ANKS1B: variants seen among roughly 807,000 people sequenced by gnomAD.
ANKS1B encodes ankyrin repeat and sterile alpha motif domain containing 1B.
A neutral mutation model predicts 148.3 loss-of-function variants in ANKS1B; 36 were observed. The ratio of observed to expected loss-of-function variants is 0.24; its 90% CI spans 0.19 to 0.32. The LOEUF is 0.32. Ranked by LOEUF, ANKS1B falls within the 10% of genes least tolerant of loss-of-function variation. The pLI is 1.00. For synonymous variants in ANKS1B, 542 were observed against 560.8 expected (o/e 0.97, Z 0.47); for missense variants, 1,157 against 1,542.6 (o/e 0.75, Z 4.19).
chr12:99,972,323 T>C (rs988637846), intron 1 of ANKS1B, among the ~76,000 whole-genome samples: 7 of 152,226 alleles, frequency 4.6e-5, no homozygotes, highest in African/African-American at 1.7e-4. Flanking sequence ...AGGCCTCTTA[T>C]GCCTAACAGT....
Position 99,504,535 on chromosome 12 carries a change from G to C in ANKS1B, c.1379C>G (p.Thr460Arg), listed in dbSNP as rs903298905. 1 of 1,612,884 alleles carries C rather than the reference G, an allele frequency of 6.2e-7. No homozygotes were observed. Among genetic ancestry groups the C allele is most frequent in the Non-Finnish European group, 8.5e-7 (1 of 1,179,484 alleles). The change falls in exon 10 of 27, where the codon ACA becomes AGA. Residue 460 changes from threonine (T) to arginine (R), a missense_variant. Physicochemically the swap from Thr to Arg is moderately conservative, Grantham distance 71. Transcript: ENST00000683438. The stretch of plus-strand genomic sequence containing the variant: ...GGAGCAAGGTTTCTTTGTAACAGCT[G>C]TGTCCATGAGATCACACAGAAAGTT... ...NENFLCDLMD[T>R]AVTKKPCSLE... is the part of the protein sequence containing the mutation.
chr12:99,780,596 T>C (rs1194853227), intron 5 of ANKS1B, among the ~76,000 whole-genome samples: 2 of 152,156 alleles, frequency 1.3e-5, no homozygotes, highest in Non-Finnish European at 2.9e-5. Flanking sequence ...CTATGGTATC[T>C]TTGGGTTATA....
chr12:99,246,416 G>A lies in ANKS1B; in HGVS notation c.2205C>T (p.Val735=). ...ALIDMHLSKS[V]SKSDSDLIAY... ...CAATGAGATCAGAATCAGATTTAGA[G>A]ACACTTTTTGACAAATGCATGTCGA... Residue 735 remains valine, a synonymous_variant, in exon 13 of 27, where the codon GTC becomes GTT. Coordinates refer to ENST00000683438, the MANE Select transcript of ANKS1B (RefSeq NM_001352186.2). 6.2e-7 allele frequency: 1 copy of A among 1,613,870 alleles called. No homozygotes were observed. The highest frequency in any genetic ancestry group is 1.1e-5 in the South Asian group (1 of 91,074).
intron 12 of ANKS1B, among the ~76,000 whole-genome samples, chr12:99,263,027 A>G (rs749392345): frequency 1.3e-5 from 2 of 152,046 alleles, no homozygotes; most frequent in Non-Finnish European, 2.9e-5. Flanking sequence ...CTTCAGATGC[A>G]TTATCTGATT....
chr12:99,385,955 A>C (rs1395956841), intron 12 of ANKS1B, among the ~76,000 whole-genome samples: 2 of 152,254 alleles, frequency 1.3e-5, no homozygotes, highest in African/African-American at 4.8e-5. Context: ...AGGTTTGTTT[A>C]GTTAATAGTG....
intron 8 of ANKS1B, among the ~76,000 whole-genome samples, chr12:99,707,412 G>C (rs1465658469): frequency 6.6e-5 from 10 of 152,046 alleles, no homozygotes; most frequent in Admixed American, 6.6e-4. Flanking sequence ...AAGAGGTAAA[G>C]TAATATTCAC....
At chr12:99,237,132 A>C (rs1465279429) in intron 14 of ANKS1B, among the ~76,000 whole-genome samples, 1 of 152,200 alleles carries the variant, frequency 6.6e-6, no homozygotes, top group Non-Finnish European at 1.5e-5. Flanking sequence ...AAGGATGGTA[A>C]GATTTGGGGC....
intron 8 of ANKS1B, among the ~76,000 whole-genome samples, chr12:99,705,557 G>A (rs2055611328): frequency 6.6e-6 from 1 of 152,110 alleles, no homozygotes; most frequent in Non-Finnish European, 1.5e-5. Context: ...AATTTCTCTA[G>A]GGAATTTATT....
At chr12:99,058,391 GCAC>G (rs1565806784) in intron 16 of ANKS1B, among the ~76,000 whole-genome samples, 1 of 151,748 alleles carries the variant, frequency 6.6e-6, no homozygotes, top group Non-Finnish European at 1.5e-5. Context: ...CCACAGGTGT[GCAC>G]CACTACACCC....
chr12:99,731,890 G>A (rs915821110), intron 8 of ANKS1B, among the ~76,000 whole-genome samples: 5 of 152,112 alleles, frequency 3.3e-5, no homozygotes, highest in East Asian at 1.9e-4. Flanking sequence ...CAAAGACTAC[G>A]AGAATAACTT....
intron 12 of ANKS1B, among the ~76,000 whole-genome samples, chr12:99,312,815 A>G (rs540276664): frequency 6.6e-6 from 1 of 152,258 alleles, no homozygotes; most frequent in East Asian, 1.9e-4. Context: ...CCACATTAGA[A>G]AGCTAGAAAG....
At chr12:99,822,184 C>A (rs559393724) in intron 2 of ANKS1B, among the ~76,000 whole-genome samples, 1 of 152,110 alleles carries the variant, frequency 6.6e-6, no homozygotes, top group East Asian at 1.9e-4. Context: ...AGCTTTATGA[C>A]CACCAAACCT....
At chr12:99,634,958 T>C (rs1293434786) in intron 9 of ANKS1B, among the ~76,000 whole-genome samples, 1 of 152,142 alleles carries the variant, frequency 6.6e-6, no homozygotes, top group Non-Finnish European at 1.5e-5. Context: ...AAGACTTGAA[T>C]AGACACTTTT....
intron 15 of ANKS1B, among the ~76,000 whole-genome samples, chr12:99,108,577 AATAG>A (rs1261394199): frequency 6.6e-5 from 10 of 152,324 alleles, no homozygotes; most frequent in African/African-American, 2.2e-4. Context: ...ACCAATTATA[AATAG>A]ATAAAGAAGG....
intron 9 of ANKS1B, among the ~76,000 whole-genome samples, chr12:99,563,263 T>C (rs552379203): frequency 6.6e-6 from 1 of 152,366 alleles, no homozygotes; most frequent in East Asian, 1.9e-4. Flanking sequence ...GGATAACTGT[T>C]TGGCATAAGA....
At chr12:99,687,985 C>T (rs1367260538) in intron 8 of ANKS1B, among the ~76,000 whole-genome samples, 2 of 152,144 alleles carry the variant, frequency 1.3e-5, no homozygotes, top group Non-Finnish European at 2.9e-5. Flanking sequence ...TACTTTGAGG[C>T]TTCCTTTAAA....
intron 8 of ANKS1B, among the ~76,000 whole-genome samples, chr12:99,714,118 TC>T (rs1316965992): frequency 2.6e-5 from 4 of 152,164 alleles, no homozygotes; most frequent in African/African-American, 4.8e-5. Flanking sequence ...TCCTTGCCTT[TC>T]CCAGCTTCAA....
chr12:99,010,224 T>A (rs1203084502), intron 17 of ANKS1B, among the ~76,000 whole-genome samples: 2 of 152,230 alleles, frequency 1.3e-5, no homozygotes, highest in Admixed American at 6.5e-5. Context: ...CCTTCCTACC[T>A]TGGGGACTTT....
chr12:99,648,545 T>A, intron 9 of ANKS1B: 1 of 1,614,206 alleles, frequency 6.2e-7, no homozygotes. Flanking sequence ...CTTCCCTTGA[T>A]GTTTGTGAAA....
Sources: gnomAD v4.1 joint callset for allele counts (sites outside exome capture counted in the v4.1 genomes callset) on GRCh38, gnomAD v4.1.1 for gene constraint, MANE v1.5 for transcripts, NCBI Gene and HGNC (gene_info 2026-07-23, HGNC 2026-07-21) for gene names.